The following NRCAM variants were observed in gnomAD, a reference collection of about 807,000 sequenced individuals.
The protein encoded by NRCAM is neuronal cell adhesion molecule, also known as NgCAM-related cell adhesion molecule.
A neutral mutation model predicts 156.5 loss-of-function variants in NRCAM; 83 were observed. The ratio of observed to expected loss-of-function variants is 0.53; its 90% confidence interval spans 0.44 to 0.64. The LOEUF (loss-of-function observed/expected upper bound fraction) is 0.64, where lower values mean the gene tolerates loss of function less well. NRCAM is among the 30% of genes least tolerant of loss of function. NRCAM has a pLI of 0.00. For missense variants in NRCAM, 1,417 were observed against 1,597.3 expected (o/e 0.89, Z 1.92); for synonymous variants, 538 against 563.9 (o/e 0.95, Z 0.65).
intron 3 of NRCAM, among the ~76,000 whole-genome samples, chr7:108,282,846 T>C (rs1441091002): frequency 2.0e-5 from 3 of 152,234 alleles, no homozygotes; most frequent in African/African-American, 7.2e-5. Flanking sequence ...TGAAAAACAG[T>C]AGTTCTCAAA....
intron 3 of NRCAM, among the ~76,000 whole-genome samples, chr7:108,260,395 G>C (rs2096848046): frequency 6.6e-6 from 1 of 152,122 alleles, no homozygotes; most frequent in African/African-American, 2.4e-5. Context: ...ATTTTATCAG[G>C]GACTATACTC....
At chr7:108,275,470 C>T (rs558929878) in intron 3 of NRCAM, among the ~76,000 whole-genome samples, 14 of 152,148 alleles carry the variant, frequency 9.2e-5, no homozygotes, top group South Asian at 2.1e-4. Context: ...CTTCAAAGAG[C>T]GTATTTGTCC....
chr7:108,199,835 C>T (rs2077019213), intron 13 of NRCAM, among the ~76,000 whole-genome samples: 1 of 152,110 alleles, frequency 6.6e-6, no homozygotes, highest in Admixed American at 6.6e-5. Flanking sequence ...GGGATGTAGA[C>T]ATCATGGCGG....
At chr7:108,272,553 T>C (rs946183383) in intron 3 of NRCAM, among the ~76,000 whole-genome samples, 1 of 152,314 alleles carries the variant, frequency 6.6e-6, no homozygotes, top group Middle Eastern at 3.4e-3. Flanking sequence ...CATAGGGTAC[T>C]GTTCTAGACC....
Position 108,194,272 on chromosome 7 carries a change from T to C in NRCAM, c.1620A>G (p.Leu540=). 1.2e-6 allele frequency: 2 copies of C among 1,611,854 alleles called. No homozygotes were observed. The highest frequency in any genetic ancestry group is 1.7e-6 in the Non-Finnish European group (2 of 1,178,210). ...KLGMAKNEVH[L]EIKDPTWIVK... ...TTACCTCTGCCTTACCTTTGATTTC[T>C]AAGTGAACTTCATTCTTCGCCATCC... Residue 540 remains leucine, a synonymous_variant, in exon 16 of 33, where the codon TTA becomes TTG. Coordinates refer to ENST00000379028, the MANE Select transcript of NRCAM (RefSeq NM_001037132.4).
chr7:108,372,423 T>G (rs1201626014), intron 2 of NRCAM, among the ~76,000 whole-genome samples: 1 of 152,090 alleles, frequency 6.6e-6, no homozygotes, highest in Non-Finnish European at 1.5e-5. Context: ...AAAGGCAACC[T>G]ATGGAATAGG....
chr7:108,325,437 ATT>A (rs1022240744), intron 2 of NRCAM, among the ~76,000 whole-genome samples: 100 of 148,422 alleles, frequency 6.7e-4, no homozygotes, highest in African/African-American at 2.3e-3. Flanking sequence ...TTTAGAAAAG[ATT>A]TTTTTTTTTC....
intron 2 of NRCAM, among the ~76,000 whole-genome samples, chr7:108,353,819 T>C (rs1334388619): frequency 1.3e-5 from 2 of 152,284 alleles, no homozygotes; most frequent in African/African-American, 4.8e-5. Context: ...CAAAGCACTT[T>C]ACAAGCAATG....
intron 1 of NRCAM, among the ~76,000 whole-genome samples, chr7:108,454,782 A>G (rs1854586784): frequency 6.6e-6 from 1 of 152,038 alleles, no homozygotes; most frequent in Non-Finnish European, 1.5e-5. Context: ...ACTTGGCTCC[A>G]TCTCCTCCTG....
rs368698227 is a variant in NRCAM at position 108,209,542 on chromosome 7, A to G, written c.954T>C (p.Tyr318=). Residue 318 remains tyrosine, a synonymous_variant, in exon 12 of 33, where the codon TAT becomes TAC. Transcript: ENST00000379028. ...TCTGCAAGGTTTTCTCAAAGTTCTT[A>G]TAAACTGTCCTGTTTTTGGGTAGCA... is the stretch of plus-strand genomic sequence containing the variant. ...DGMLPKNRTV[Y]KNFEKTLQII... is the part of the protein sequence containing the mutation. 24 of 1,612,942 alleles carry G rather than the reference A, an allele frequency of 1.5e-5. No homozygotes were observed. The highest frequency in any genetic ancestry group is 2.0e-5 in the Non-Finnish European group (24 of 1,179,570).
chr7:108,289,502 A>C (rs2098219950), intron 3 of NRCAM, among the ~76,000 whole-genome samples: 1 of 152,108 alleles, frequency 6.6e-6, no homozygotes. Context: ...ATCTAGCTAA[A>C]ATTTTGTAAA....
chr7:108,408,602 T>A (rs1024284489), intron 1 of NRCAM, among the ~76,000 whole-genome samples: 1 of 152,224 alleles, frequency 6.6e-6, no homozygotes, highest in Non-Finnish European at 1.5e-5. Context: ...CAGCTTCATA[T>A]CCACAATAAA....
intron 8 of NRCAM, among the ~76,000 whole-genome samples, chr7:108,228,670 G>A (rs946703026): frequency 6.6e-6 from 1 of 152,182 alleles, no homozygotes; most frequent in Non-Finnish European, 1.5e-5. Context: ...GTATTCAGAT[G>A]ACTCTGAGAC....
intron 3 of NRCAM, among the ~76,000 whole-genome samples, chr7:108,252,263 T>C (rs945469639): frequency 3.3e-5 from 5 of 152,202 alleles, no homozygotes; most frequent in African/African-American, 1.2e-4. Flanking sequence ...GCAGGCAAAG[T>C]TGGGTGGTTT....
chr7:108,434,541 T>TACACACACACACACACAC (rs141756969), intron 1 of NRCAM, among the ~76,000 whole-genome samples: 3 of 141,150 alleles, frequency 2.1e-5, no homozygotes, highest in African/African-American at 7.9e-5. Flanking sequence ...CAATGGAATG[T>TACACACACACACACACAC]ACACACACAC....
chr7:108,266,744 T>C (rs1358001334), intron 3 of NRCAM, among the ~76,000 whole-genome samples: 1 of 152,212 alleles, frequency 6.6e-6, no homozygotes, highest in Non-Finnish European at 1.5e-5. Context: ...TGAACAGGTC[T>C]CCTGCCATCT....
intron 3 of NRCAM, among the ~76,000 whole-genome samples, chr7:108,307,224 T>A (rs2154170803): frequency 6.6e-6 from 1 of 152,274 alleles, no homozygotes; most frequent in African/African-American, 2.4e-5. Flanking sequence ...AGAAGGCATA[T>A]CCAACACACC....
chr7:108,290,800 T>G (rs1184200704), intron 3 of NRCAM, among the ~76,000 whole-genome samples: 1 of 152,224 alleles, frequency 6.6e-6, no homozygotes, highest in African/African-American at 2.4e-5. Flanking sequence ...TCATTATCTA[T>G]TCTTTCAGGG....
intron 1 of NRCAM, among the ~76,000 whole-genome samples, chr7:108,421,368 T>G (rs1446820787): frequency 6.6e-6 from 1 of 152,204 alleles, no homozygotes; most frequent in South Asian, 2.1e-4. Flanking sequence ...CATTTATCAA[T>G]GTTTACATGT....
Sources: allele counts gnomAD v4.1 joint callset (sites outside exome capture counted in the v4.1 genomes callset), GRCh38; gene constraint gnomAD v4.1.1; transcripts MANE v1.5; gene names NCBI Gene and HGNC (gene_info 2026-07-23, HGNC 2026-07-21).